Variants in PRPF8 observed in about 807,000 individuals in gnomAD.
The protein encoded by PRPF8 is pre-mRNA-processing-splicing factor 8.
A neutral mutation model predicts 285.9 loss-of-function variants in PRPF8; 64 were observed. The observed-to-expected ratio is 0.22, with a 90% CI of 0.18 to 0.28. The LOEUF is 0.28. PRPF8 is among the 10% of genes least tolerant of loss of function. The probability of loss-of-function intolerance (pLI) is 1.00; values close to 1 mark genes in which losing one functional copy is unlikely to be tolerated. For synonymous variants in PRPF8, 1,325 were observed against 1,118.2 expected (o/e 1.18, Z -3.69); for missense variants, 1,426 against 3,026.7 (o/e 0.47, Z 12.41).
chr17:1,682,290 G>A lies in PRPF8; in HGVS notation c.273C>T (p.Ala91=), dbSNP rs774959562. ...GGACTGCGTGGGGCATGTACTTTAG[G>A]GCACTGGCACATTAGAAAAAGAGAA... ...FRHDKRVYLG[A]LKYMPHAVLK... The change falls in exon 4 of 43, where the codon GCC becomes GCT. Residue 91 remains alanine (A), a synonymous_variant. Transcript: ENST00000304992. 1.1e-5 allele frequency: 18 copies of A among 1,613,978 alleles called. No homozygotes were observed. The highest frequency in any genetic ancestry group is 1.5e-5 in the Non-Finnish European group (18 of 1,179,956).
chr17:1,669,527 GTCCT>G (rs1230733027), intron 24 of PRPF8, among the ~76,000 whole-genome samples: 2 of 152,298 alleles, frequency 1.3e-5, no homozygotes, highest in African/African-American at 2.4e-5. Context: ...GGCATCTGAT[GTCCT>G]TCCTTCTCTT....
chr17:1,679,896 C>CCA lies in PRPF8; in HGVS notation c.1099-98_1099-97insTG. The CCA allele has an allele frequency of 7.0e-7, 1 of 1,421,242 alleles. No individual in the cohort carries two copies. The highest frequency in any genetic ancestry group is 9.9e-7 in the Non-Finnish European group (1 of 1,005,110). The allele number at this position is 1,421,242 out of a possible 1,614,324, so 88.0% of individuals were successfully genotyped here. On this transcript the variant is annotated intron_variant, in intron 8 of 42. Coordinates refer to ENST00000304992, the MANE Select transcript of PRPF8 (RefSeq NM_006445.4). This position sits in a 1 kb window ranked among gnomAD's most constrained non-coding sequence, Gnocchi z 4.7. ...CTGGGGCCAAGCACAAAGCCTGTAT[C>CCA]TGCTATGGAAACTGGGCTGTCTGAC...
intron 1 of PRPF8, 97 bp from the exon 2 acceptor site, chr17:1,684,679 G>T: frequency 2.7e-6 from 3 of 1,104,580 alleles, no homozygotes; most frequent in Non-Finnish European, 4.0e-6. Context: ...CTGCAGTCCC[G>T]CCACACAGTG....
chr17:1,681,978 A>G lies in PRPF8; in HGVS notation c.495T>C (p.Arg165=). 1 of 1,613,532 alleles carries G rather than the reference A, an allele frequency of 6.2e-7. No individual in the cohort carries two copies. Among genetic ancestry groups the G allele is most frequent in the Non-Finnish European group, 8.5e-7 (1 of 1,179,866 alleles). ...GCTCCTCATCATCAAAAGGGGGAAA[A>G]CGCATCCTCTTGAAATGCCTCCTAT... is the stretch of plus-strand genomic sequence containing the variant. The part of the protein sequence containing the change: ...KRDRRHFKRM[R]FPPFDDEEPP... Residue 165 remains arginine, a synonymous_variant, in exon 5 of 43, where the codon CGT becomes CGC. Transcript: ENST00000304992.
intron 24 of PRPF8, among the ~76,000 whole-genome samples, chr17:1,667,503 T>TA (rs113176701): frequency 0.15 from 21,785 of 146,746 alleles, 3,401 homozygotes; most frequent in African/African-American, 0.39. Flanking sequence ...TATGTCTTCA[T>TA]AAAAAACAAG....
At position 1,680,933 on chromosome 17, in the gene PRPF8, T is replaced by C. The variant is rs1912884290; in HGVS notation, c.988A>G (p.Thr330Ala). 3.1e-6 allele frequency: 5 copies of C among 1,614,104 alleles called. No homozygotes were observed. Among genetic ancestry groups the C allele is most frequent in the Non-Finnish European group, 4.2e-6 (5 of 1,180,012 alleles). Residue 330 changes from threonine (T) to alanine (A), a missense_variant, in exon 7 of 43, where the codon ACC (threonine) becomes GCC (alanine). By Grantham distance (58) the Thr-to-Ala change is moderately conservative. This residue lies in a region of PRPF8 where 157 missense variants were observed against 159.6 expected (regional missense o/e 0.98). Coordinates refer to ENST00000304992, the MANE Select transcript of PRPF8 (RefSeq NM_006445.4). ...YNNLPHHVHL[T>A]WYHTPNVVFI... is the part of the protein sequence containing the mutation. ...GTTGTGTTCCAGGTCTCTTACCAGG[T>C]GAGGTGGACATGGTGTGGAAGATTG...
chr17:1,654,238 G>C (rs1911231082), intron 37 of PRPF8: 1 of 665,898 alleles, frequency 1.5e-6, no homozygotes, highest in Non-Finnish European at 2.7e-6. Flanking sequence ...CCTTCCCACT[G>C]TTTAGCATCC....
chr17:1,676,503 A>T lies in PRPF8; in HGVS notation c.2388+2T>A, dbSNP rs1912607226. The T allele has an allele frequency of 6.2e-7, 1 of 1,613,848 alleles. No homozygotes were observed. The highest frequency in any genetic ancestry group is 1.3e-5 in the African/African-American group (1 of 74,862). ...CACCCAGCCCAGCCTACTCTGCCCA[A>T]CCTTCAGGTAGTTGTGCTGCCGCTC... On this transcript the variant is annotated splice_donor_variant, in intron 16 of 42. Transcript: ENST00000304992. LOFTEE classifies it high-confidence loss of function. This position sits in a 1 kb window ranked among gnomAD's most constrained non-coding sequence, Gnocchi z 6.3.
rs201654200 is a variant in PRPF8 at position 1,673,877 on chromosome 17, C to T, written c.3315G>A (p.Glu1105=). The T allele has an allele frequency of 6.2e-7, 1 of 1,613,680 alleles. No homozygotes were observed. The change falls in exon 22 of 43, where the codon GAG becomes GAA. Residue 1105 remains glutamate (E), a synonymous_variant. Coordinates refer to ENST00000304992, the MANE Select transcript of PRPF8 (RefSeq NM_006445.4). This position sits in a 1 kb window ranked among gnomAD's most constrained non-coding sequence, Gnocchi z 5.5. ...IHIFFRFTAD[E]ARDLIQRYLT... is the part of the protein sequence containing the mutation. The stretch of plus-strand genomic sequence containing the variant: ...GGTAACGTTGAATCAGGTCCCGAGC[C>T]TCATCTGCTGTGAACCTACACCAGA...
chr17:1,663,154 C>T (rs1002309582), intron 24 of PRPF8, among the ~76,000 whole-genome samples: 1 of 151,998 alleles, frequency 6.6e-6, no homozygotes, highest in African/African-American at 2.4e-5. Flanking sequence ...AAGTAGATCA[C>T]AGTAAGTGAG....
At chr17:1,668,523 C>T (rs1912127049) in intron 24 of PRPF8, among the ~76,000 whole-genome samples, 1 of 151,850 alleles carries the variant, frequency 6.6e-6, no homozygotes, top group African/African-American at 2.4e-5. Flanking sequence ...CCACGACATC[C>T]AGCTAATTTT....
At chr17:1,663,147 T>C (rs1034687211) in intron 24 of PRPF8, among the ~76,000 whole-genome samples, 1 of 152,114 alleles carries the variant, frequency 6.6e-6, no homozygotes, top group Non-Finnish European at 1.5e-5. Flanking sequence ...ATGGTCAAAG[T>C]AGATCACAGT....
chr17:1,684,254 G>A (rs1423699242), intron 2 of PRPF8, among the ~76,000 whole-genome samples: 2 of 152,186 alleles, frequency 1.3e-5, no homozygotes, highest in Non-Finnish European at 2.9e-5. Context: ...TTTAAACCCC[G>A]TAAGGACAGG....
At chr17:1,655,864 G>A (rs1911350795) in intron 36 of PRPF8, among the ~76,000 whole-genome samples, 1 of 150,258 alleles carries the variant, frequency 6.7e-6, no homozygotes, top group South Asian at 2.1e-4. Flanking sequence ...CTGACCTCGT[G>A]ATCCGCCGCC....
chr17:1,667,538 CTTT>C (rs34888623), intron 24 of PRPF8, among the ~76,000 whole-genome samples: 2 of 102,026 alleles, frequency 2.0e-5, no homozygotes, highest in African/African-American at 4.6e-5. Flanking sequence ...CATGACATAG[CTTT>C]TTTTTTTTTT....
chr17:1,656,536 G>A lies in PRPF8; in HGVS notation c.5649C>T (p.Val1883=). The A allele has an allele frequency of 6.2e-7, 1 of 1,614,196 alleles. No individual in the cohort carries two copies. The highest frequency in any genetic ancestry group is 8.5e-7 in the Non-Finnish European group (1 of 1,180,044). ...EVHLLDFPNI[V]IKGSELQLPF... is the part of the protein sequence containing the mutation. ...GGAGTTGGAGCTCCGATCCTTTGAT[G>A]ACAATATTGGGGAAGTCCAGTAAGT... The change falls in exon 36 of 43, where the codon GTC becomes GTT. Residue 1883 remains valine, a synonymous_variant. Coordinates refer to ENST00000304992, the MANE Select transcript of PRPF8 (RefSeq NM_006445.4).
At chr17:1,678,969 C>A (rs1368579160) in intron 11 of PRPF8, 48 bp downstream of exon 11, 6 of 1,613,588 alleles carry the variant, frequency 3.7e-6, no homozygotes, top group Non-Finnish European at 5.1e-6. Flanking sequence ...AGGAAAACAA[C>A]TGTCCGTCCT....
rs756092393 is a variant in PRPF8, at chr17:1,678,725, C to A, written c.1719+37G>T. ...GGTCAGCACAGGCTTCCTCCAGCGTCCTCACCCAGGCAGGGGTTGGGAATA... is the reference window on the plus strand; with the variant it reads ...GGTCAGCACAGGCTTCCTCCAGCGTACTCACCCAGGCAGGGGTTGGGAATA... On this transcript the variant is annotated intron_variant, in intron 12 of 42. Coordinates refer to ENST00000304992, the MANE Select transcript of PRPF8 (RefSeq NM_006445.4). 1.6e-5 allele frequency: 26 copies of A among 1,614,008 alleles called. No individual in the cohort carries two copies. In the East Asian group the frequency reaches 5.8e-4, roughly 36 times the overall value.
In PRPF8 at chr17:1,675,341, TGAG is replaced by T. The variant is rs1912554023; in HGVS notation, c.2873-5_2873-3del. On this transcript the variant is annotated splice_polypyrimidine_tract_variant and splice_region_variant and intron_variant, in intron 19 of 42. Coordinates refer to ENST00000304992, the MANE Select transcript of PRPF8 (RefSeq NM_006445.4). This position sits in a 1 kb window ranked among gnomAD's most constrained non-coding sequence, Gnocchi z 6.0. ...ACACGTCCTGCAGGTTATTGATGCCTGAGGAGTAGCAAGGCAGGTCTCCAGCAG... is the reference window on the plus strand; with the variant it reads ...ACACGTCCTGCAGGTTATTGATGCCTGAGTAGCAAGGCAGGTCTCCAGCAG... The T allele has an allele frequency of 6.2e-7, 1 of 1,614,134 alleles. No individual in the cohort carries two copies. The highest frequency in any genetic ancestry group is 8.5e-7 in the Non-Finnish European group (1 of 1,180,012).
Sources: gnomAD v4.1 joint callset for allele counts (sites outside exome capture counted in the v4.1 genomes callset) on GRCh38, gnomAD v4.1.1 for gene constraint, gnomAD v4.1.1 regional missense constraint, Gnocchi (gnomAD v3.1) non-coding constraint, MANE v1.5 for transcripts, NCBI Gene and HGNC (gene_info 2026-07-23, HGNC 2026-07-21) for gene names.